The following TGFBR3 variants were observed in gnomAD, a reference collection of about 807,000 sequenced individuals.
TGFBR3 encodes the protein transforming growth factor beta receptor 3.
Under a neutral mutation model 87.9 loss-of-function variants are expected in TGFBR3, and 46 were observed. That is an observed-to-expected ratio of 0.52 (90% CI 0.41 to 0.67). TGFBR3 has a LOEUF of 0.67. TGFBR3 is among the 30% of genes least tolerant of loss of function. The pLI is 0.00. For synonymous variants in TGFBR3, 381 were observed against 391.6 expected, an observed-to-expected ratio of 0.97 and a Z score of 0.32; for missense variants, 866 against 1,041.9, an observed-to-expected ratio of 0.83 and a Z score of 2.32.
intron 3 of TGFBR3, among the ~76,000 whole-genome samples, chr1:91,783,422 C>G (rs538117451): frequency 5.9e-5 from 9 of 152,334 alleles, no homozygotes; most frequent in Admixed American, 2.0e-4. Context: ...GCCAGCAGTG[C>G]CACTGAGGTG....
At chr1:91,873,594 C>G (rs1678673673) in intron 1 of TGFBR3, among the ~76,000 whole-genome samples, 1 of 151,990 alleles carries the variant, frequency 6.6e-6, no homozygotes, top group Non-Finnish European at 1.5e-5. Context: ...AGCCAACACG[C>G]CTGGCCCAAT....
At chr1:91,725,711 C>T (rs961100034) in intron 7 of TGFBR3, among the ~76,000 whole-genome samples, 10 of 152,174 alleles carry the variant, frequency 6.6e-5, no homozygotes, top group Non-Finnish European at 1.5e-4. Flanking sequence ...CAAACAGACT[C>T]CGTGTTCATC....
intron 7 of TGFBR3, among the ~76,000 whole-genome samples, chr1:91,726,251 A>G (rs1672545467): frequency 6.6e-6 from 1 of 152,194 alleles, no homozygotes; most frequent in Non-Finnish European, 1.5e-5. Context: ...TATTTACACA[A>G]GAACTCCAGC....
At position 91,774,001 on chromosome 1, in the gene TGFBR3, G is replaced by A. The variant is rs115267019; in HGVS notation, c.247-15251C>T. ...ACTTAGTCTTTTACATTTGGCAGAA[G>A]CAAAACAAATAATGAAATACTCAAA... On this transcript the variant is annotated intron_variant, in intron 3 of 16. Transcript: ENST00000212355. Among the ~76,000 whole-genome samples, 1,261 of 152,184 alleles carry A rather than the reference G, an allele frequency of 8.3e-3. 19 individuals carry two copies. The highest frequency in any genetic ancestry group is 0.029 in the African/African-American group (1,197 of 41,510).
chr1:91,832,570 A>T (rs549030899), intron 2 of TGFBR3, among the ~76,000 whole-genome samples: 1 of 152,360 alleles, frequency 6.6e-6, no homozygotes, highest in Admixed American at 6.5e-5. Context: ...AGTGATATTA[A>T]GTAACTCACT....
chr1:91,746,219 G>A (rs568598052), intron 4 of TGFBR3, among the ~76,000 whole-genome samples: 22 of 152,248 alleles, frequency 1.4e-4, no homozygotes, highest in African/African-American at 3.4e-4. Context: ...CCATGGAAAC[G>A]TTATCAGAAC....
At chr1:91,892,627 C>G (rs1679472952) in intron 2 of TGFBR3, among the ~76,000 whole-genome samples, 1 of 152,278 alleles carries the variant, frequency 6.6e-6, no homozygotes, top group Middle Eastern at 3.4e-3. Flanking sequence ...TGAACCCTCT[C>G]TGTTCAGGGT....
chr1:91,879,619 A>G (rs1176490681), intron 1 of TGFBR3, among the ~76,000 whole-genome samples: 1 of 152,244 alleles, frequency 6.6e-6, no homozygotes, highest in Non-Finnish European at 1.5e-5. Flanking sequence ...CAGTAGCCTC[A>G]TGCAGAATTT....
intron 1 of TGFBR3, chr1:91,863,747 T>C (rs1206675796): frequency 6.6e-6 from 1 of 152,236 alleles, no homozygotes; most frequent in African/African-American, 2.4e-5. Context: ...AGTTGAGGCA[T>C]AAGTCATCAA....
At chr1:91,798,592 C>T (rs1675479785) in intron 2 of TGFBR3, among the ~76,000 whole-genome samples, 1 of 152,168 alleles carries the variant, frequency 6.6e-6, no homozygotes, top group Admixed American at 6.5e-5. Flanking sequence ...TCTGCCCTCC[C>T]GCAATCCATC....
intron 4 of TGFBR3, among the ~76,000 whole-genome samples, chr1:91,736,017 T>C (rs1672955269): frequency 6.6e-6 from 1 of 152,228 alleles, no homozygotes; most frequent in African/African-American, 2.4e-5. Flanking sequence ...TTAGTGGTTC[T>C]ATCACAGCAG....
chr1:91,826,589 T>A (rs1435478426), intron 2 of TGFBR3, among the ~76,000 whole-genome samples: 1 of 152,116 alleles, frequency 6.6e-6, no homozygotes, highest in African/African-American at 2.4e-5. Flanking sequence ...CCCTTCCTGT[T>A]TGAAGGAGCA....
Position 91,689,104 on chromosome 1 carries a change from C to CA in TGFBR3, c.2438-5248dup, listed in dbSNP as rs879833182. Among the ~76,000 whole-genome samples, 82 of 152,154 alleles carry CA rather than the reference C, an allele frequency of 5.4e-4. 2 individuals carry two copies. Among genetic ancestry groups the CA allele is most frequent in the Non-Finnish European group, 2.2e-4 (15 of 68,026 alleles). Reference sequence around the variant, plus strand: ...TGTCTATTGGTGTGTCTTTTTCTCTCAAAAAACAAAGCACCTCCCGGAGCA... The same window carrying CA: ...TGTCTATTGGTGTGTCTTTTTCTCTCAAAAAAACAAAGCACCTCCCGGAGCA... On this transcript the variant is annotated intron_variant, in intron 16 of 16. Transcript: ENST00000212355.
At chr1:91,752,445 T>C (rs941516976) in intron 4 of TGFBR3, among the ~76,000 whole-genome samples, 5 of 151,584 alleles carry the variant, frequency 3.3e-5, no homozygotes, top group South Asian at 2.1e-4. Flanking sequence ...TAGAAAAAAA[T>C]AGATCACAGC....
At chr1:91,844,199 G>C (rs1274019486) in intron 2 of TGFBR3, among the ~76,000 whole-genome samples, 2 of 152,144 alleles carry the variant, frequency 1.3e-5, no homozygotes, top group Non-Finnish European at 2.9e-5. Context: ...CTACAACTTA[G>C]AGCAAAGGCA....
chr1:91,766,501 A>C (rs1404965008), intron 3 of TGFBR3: 1 of 136,478 alleles, frequency 7.3e-6, no homozygotes, highest in East Asian at 2.0e-4. Context: ...GAATCACTAG[A>C]GTGATCATTA....
chr1:91,824,392 G>A (rs771027242), intron 2 of TGFBR3, among the ~76,000 whole-genome samples: 43 of 152,142 alleles, frequency 2.8e-4, no homozygotes, highest in Non-Finnish European at 5.0e-4. Flanking sequence ...AAACAGTTTG[G>A]TATTTAGGGA....
At chr1:91,857,982 T>C (rs1393012237) in intron 2 of TGFBR3, among the ~76,000 whole-genome samples, 1 of 152,192 alleles carries the variant, frequency 6.6e-6, no homozygotes, top group Non-Finnish European at 1.5e-5. Context: ...GCCTAAAGGC[T>C]CAATCTCCAG....
At chr1:91,887,663 C>T (rs1457308408), upstream of TGFBR3, among the ~76,000 whole-genome samples, 1 of 152,144 alleles carries the variant, frequency 6.6e-6, no homozygotes, top group Non-Finnish European at 1.5e-5. Context: ...TATTTCTCGT[C>T]CTCTTCCTCT....
Sources: allele counts gnomAD v4.1 joint callset (sites outside exome capture counted in the v4.1 genomes callset), GRCh38; gene constraint gnomAD v4.1.1; transcripts MANE v1.5; gene names NCBI Gene and HGNC (gene_info 2026-07-23, HGNC 2026-07-21).